MYSM1: variants seen among roughly 807,000 people sequenced by gnomAD.
The protein encoded by MYSM1 is deubiquitinase MYSM1.
In MYSM1, 51 loss-of-function variants were observed where a neutral mutation model predicts 116.0. The ratio of observed to expected loss-of-function variants is 0.44; its 90% CI spans 0.35 to 0.56. The LOEUF is 0.56. Among genes scored for constraint, MYSM1 ranks in the 20% least tolerant of loss-of-function variants. The probability of loss-of-function intolerance (pLI) is 0.00; values close to 1 mark genes in which losing one functional copy is unlikely to be tolerated. For synonymous variants in MYSM1, 313 were observed against 315.2 expected (o/e 0.99, Z 0.07); for missense variants, 900 against 974.9 (o/e 0.92, Z 1.02).
chr1:58,658,532 A>G lies in MYSM1; in HGVS notation c.*1465T>C, dbSNP rs1644347420. On this transcript the variant is annotated 3_prime_UTR_variant, in exon 20 of 20. Coordinates refer to ENST00000472487, the MANE Select transcript of MYSM1 (RefSeq NM_001085487.3). The stretch of plus-strand genomic sequence containing the variant: ...TCTCCCCAAATCACAAAGTTGAGAC[A>G]AGAACCAGGTCACCTAAAGCTGACT... The G allele has an allele frequency of 6.6e-6, 1 of 152,154 alleles. No homozygotes were observed. The highest frequency in any genetic ancestry group is 6.6e-5 in the Admixed American group (1 of 15,252). 9.4% of individuals were successfully genotyped at this position (152,154 alleles called of 1,614,324 possible).
chr1:58,689,140 A>T (rs764675848), intron 5 of MYSM1, 24 bp from the exon 6 acceptor site: 1 of 1,537,816 alleles, frequency 6.5e-7, no homozygotes, highest in East Asian at 2.3e-5. Context: ...AAGGAATTGC[A>T]AAAAAAATTT....
Position 58,682,335 on chromosome 1 carries a change from G to A in MYSM1, c.709C>T (p.Pro237Ser), listed in dbSNP as rs780097660. The A allele has an allele frequency of 2.5e-6, 4 of 1,614,052 alleles. No individual in the cohort carries two copies. Among genetic ancestry groups the A allele is most frequent in the Middle Eastern group, 1.7e-4 (1 of 6,060 alleles). Residue 237 changes from proline (P) to serine (S), a missense_variant, in exon 8 of 20, where the codon CCC becomes TCC. Physicochemically the swap from Pro to Ser is moderately conservative, Grantham distance 74. Coordinates refer to ENST00000472487, the MANE Select transcript of MYSM1 (RefSeq NM_001085487.3). ...AGATCACTGCTAGAATTCTTCTGGG[G>A]TGTTTGAGAAGACAACTCGTCCACC... ...DEVDELSSQT[P>S]QKNSSSDLLL... is the part of the protein sequence containing the mutation.
intron 8 of MYSM1, among the ~76,000 whole-genome samples, chr1:58,679,838 G>T (rs1432742586): frequency 2.0e-5 from 3 of 151,760 alleles, no homozygotes; most frequent in Non-Finnish European, 4.4e-5. Context: ...GACCAGCCTG[G>T]CCAATGTGGT....
intron 1 of MYSM1, among the ~76,000 whole-genome samples, chr1:58,697,245 A>G (rs909625957): frequency 3.1e-5 from 4 of 127,408 alleles, no homozygotes; most frequent in Admixed American, 7.8e-5. Flanking sequence ...ACTAGGGTAC[A>G]GTGAAGAGAT....
At chr1:58,678,023 T>C (rs1168573951) in intron 8 of MYSM1, among the ~76,000 whole-genome samples, 2 of 152,194 alleles carry the variant, frequency 1.3e-5, no homozygotes, top group East Asian at 3.8e-4. Flanking sequence ...ACACAGATAA[T>C]GTAAAATTTC....
intron 7 of MYSM1, among the ~76,000 whole-genome samples, chr1:58,684,101 GATGT>G (rs1557520389): frequency 2.0e-5 from 3 of 152,138 alleles, no homozygotes; most frequent in African/African-American, 7.2e-5. Flanking sequence ...GCATACAATC[GATGT>G]ATGATGAATC....
At chr1:58,668,844 A>G in intron 13 of MYSM1, 140 bp downstream of exon 13, 1 of 996,674 alleles carries the variant, frequency 1.0e-6, no homozygotes, top group South Asian at 1.5e-5. Flanking sequence ...TATGATTTAA[A>G]ATTCCAGCAG....
intron 17 of MYSM1, among the ~76,000 whole-genome samples, chr1:58,663,630 T>G (rs1022115849): frequency 1.3e-5 from 2 of 152,252 alleles, no homozygotes; most frequent in African/African-American, 2.4e-5. Context: ...GGGAGCATCA[T>G]GGATAGTTCC....
chr1:58,660,020 A>G lies in MYSM1; in HGVS notation c.2464T>C (p.Cys822Arg). ...AATCACATTAACAATTCCTTTGTAC[A>G]GTTCTCTTCGGTTACTCCATTCTCT... ...NQENGVTEEN[C>R]TKELLM Residue 822 changes from cysteine to arginine, a missense_variant, in exon 20 of 20, where the codon TGT becomes CGT. By Grantham distance (180) the Cys-to-Arg change is radical. Transcript: ENST00000472487. The G allele has an allele frequency of 1.3e-6, 2 of 1,598,344 alleles. No individual in the cohort carries two copies. Among genetic ancestry groups the G allele is most frequent in the South Asian group, 1.1e-5 (1 of 88,462 alleles).
chr1:58,671,137 G>A (rs1204386987), intron 12 of MYSM1, among the ~76,000 whole-genome samples: 1 of 152,144 alleles, frequency 6.6e-6, no homozygotes, highest in African/African-American at 2.4e-5. Context: ...CTACTTGACA[G>A]CGTGAGCAAG....
intron 10 of MYSM1, among the ~76,000 whole-genome samples, chr1:58,673,904 G>A (rs1418280131): frequency 6.6e-6 from 1 of 152,184 alleles, no homozygotes; most frequent in African/African-American, 2.4e-5. Context: ...GCAGGGTGTG[G>A]GCTGGGTGTT....
intron 3 of MYSM1, among the ~76,000 whole-genome samples, chr1:58,691,772 CAGG>C (rs1435163769): frequency 6.6e-6 from 1 of 152,120 alleles, no homozygotes; most frequent in Non-Finnish European, 1.5e-5. Flanking sequence ...GAGGCTGAGG[CAGG>C]AGAATCGCTT....
intron 17 of MYSM1, among the ~76,000 whole-genome samples, chr1:58,664,618 T>C (rs1371605880): frequency 1.3e-5 from 2 of 152,184 alleles, no homozygotes; most frequent in Admixed American, 1.3e-4. Context: ...ACATCAAATA[T>C]AGGGCATCCA....
At position 58,657,793 on chromosome 1, in the gene MYSM1, A is replaced by G. The variant is rs929330541; in HGVS notation, c.*2204T>C. On this transcript the variant is annotated 3_prime_UTR_variant, in exon 20 of 20. Coordinates refer to ENST00000472487, the MANE Select transcript of MYSM1 (RefSeq NM_001085487.3). The stretch of plus-strand genomic sequence containing the variant: ...GAAAACTGTGCTCTCAAGGCCCCAA[A>G]CTCTTGACAAGTATCATCCTTGAGA... 1 of 152,112 alleles carries G rather than the reference A, an allele frequency of 6.6e-6. No homozygotes were observed. The highest frequency in any genetic ancestry group is 6.6e-5 in the Admixed American group (1 of 15,264). The allele number at this position is 152,112 out of a possible 1,614,324, so 9.4% of individuals were successfully genotyped here.
chr1:58,699,972 C>T lies in MYSM1; in HGVS notation c.68+13G>A. ...CCTCTCCGCCCCAGAGAGACCCGGTCTCTAAGCCTCACCCTGGCTGTGCCC... is the reference window on the plus strand; with the variant it reads ...CCTCTCCGCCCCAGAGAGACCCGGTTTCTAAGCCTCACCCTGGCTGTGCCC... On this transcript the variant is annotated intron_variant, in intron 1 of 19. Transcript: ENST00000472487. 6.2e-7 allele frequency: 1 copy of T among 1,613,532 alleles called. No homozygotes were observed. Among genetic ancestry groups the T allele is most frequent in the Non-Finnish European group, 8.5e-7 (1 of 1,179,980 alleles).
chr1:58,668,822 C>T (rs1337001634), intron 13 of MYSM1, 140 bp from the exon 14 acceptor site: 34 of 1,000,510 alleles, frequency 3.4e-5, no homozygotes. Flanking sequence ...ACAAACTAGA[C>T]TTTTAAAACA....
At position 58,667,135 on chromosome 1, in the gene MYSM1, G is replaced by A. The variant is rs2100602470; in HGVS notation, c.1934C>T (p.Ala645Val). The A allele has an allele frequency of 6.2e-7, 1 of 1,613,364 alleles. No individual in the cohort carries two copies. ...VSQTQASETL[A>V]VRGFSVIGWY... The stretch of plus-strand genomic sequence containing the variant: ...TCCAATAACACTGAAGCCTCTAACA[G>A]CCAAGGTTTCTGAGGCCTGTGTTTG... Residue 645 changes from alanine to valine, a missense_variant, in exon 16 of 20, where the codon GCT (alanine) becomes GTT (valine). Around this residue, in one of 3 missense-constraint regions of MYSM1, gnomAD observed 92 missense variants for 155.0 expected, o/e 0.59. Transcript: ENST00000472487.
chr1:58,697,976 G>A (rs1206960087), intron 1 of MYSM1, among the ~76,000 whole-genome samples: 1 of 149,210 alleles, frequency 6.7e-6, no homozygotes, highest in Non-Finnish European at 1.5e-5. Context: ...ATTCTCAACG[G>A]TTTCACAGAT....
intron 12 of MYSM1, among the ~76,000 whole-genome samples, chr1:58,670,506 G>C (rs1056463441): frequency 1.1e-4 from 16 of 152,194 alleles, no homozygotes; most frequent in African/African-American, 3.9e-4. Context: ...ACCAAGTGAA[G>C]AGGTGACTAA....
Sources: allele counts gnomAD v4.1 joint callset (sites outside exome capture counted in the v4.1 genomes callset), GRCh38; gene constraint gnomAD v4.1.1; regional missense constraint gnomAD v4.1.1; transcripts MANE v1.5; gene names NCBI Gene and HGNC (gene_info 2026-07-23, HGNC 2026-07-21).